The following VWA3B variants were observed in gnomAD, a reference collection of about 807,000 sequenced individuals.
The protein encoded by VWA3B is von Willebrand factor A domain-containing protein 3B.
VWA3B carries 138 observed loss-of-function variants against 158.3 expected under a neutral mutation model. That is an observed-to-expected ratio of 0.87 (90% confidence interval 0.76 to 1.00). The LOEUF is 1.00. Among genes scored for constraint, VWA3B ranks in the 50% least tolerant of loss-of-function variants. VWA3B has a pLI of 0.00. For synonymous variants in VWA3B, 596 were observed against 587.3 expected, an observed-to-expected ratio of 1.01 and a Z score of -0.21; for missense variants, 1,555 against 1,565.1, an observed-to-expected ratio of 0.99 and a Z score of 0.11.
intron 23 of VWA3B, among the ~76,000 whole-genome samples, chr2:98,294,590 G>A (rs1360869133): frequency 6.6e-6 from 1 of 152,232 alleles, no homozygotes; most frequent in Non-Finnish European, 1.5e-5. Flanking sequence ...AGGCAAGGAG[G>A]AAGACACATT....
chr2:98,196,892 C>T (rs987413285), intron 12 of VWA3B, among the ~76,000 whole-genome samples: 3 of 152,180 alleles, frequency 2.0e-5, no homozygotes, highest in African/African-American at 7.2e-5. Flanking sequence ...TAGTACGGAG[C>T]GTTCACATTT....
At chr2:98,262,212 T>TC in intron 21 of VWA3B, among the ~76,000 whole-genome samples, 1 of 151,856 alleles carries the variant, frequency 6.6e-6, no homozygotes, top group Non-Finnish European at 1.5e-5. Flanking sequence ...ATACACTTTC[T>TC]CCCATTTTTT....
rs918329042 is a variant in VWA3B at position 98,087,224 on chromosome 2, C to G, written c.-172C>G. On this transcript the variant is annotated 5_prime_UTR_variant, in exon 1 of 28. Coordinates refer to ENST00000477737, the MANE Select transcript of VWA3B (RefSeq NM_144992.5). ...GGAATCCTTCGCCCCCGGCGCGCAG[C>G]CTTCGCCCGCCGGAATCGCTGCCTT... The G allele has an allele frequency of 1.3e-4, 20 of 152,256 alleles. No homozygotes were observed. The highest frequency in any genetic ancestry group is 4.6e-4 in the Admixed American group (7 of 15,290). The allele number at this position is 152,256 out of a possible 1,614,324, so 9.4% of individuals were successfully genotyped here.
chr2:98,170,644 G>A (rs1679506079), intron 8 of VWA3B, among the ~76,000 whole-genome samples: 1 of 149,818 alleles, frequency 6.7e-6, no homozygotes, highest in Non-Finnish European at 1.5e-5. Flanking sequence ...ATATCGCTCT[G>A]TCACCAGGCT....
In VWA3B at chr2:98,268,223, C is replaced by G. The variant is rs558626226; in HGVS notation, c.2844-2459C>G. Among the ~76,000 whole-genome samples, 21 of 151,586 alleles carry G rather than the reference C, an allele frequency of 1.4e-4. No individual in the cohort carries two copies. In the South Asian group the frequency reaches 4.4e-3, roughly 32 times the overall value. On this transcript the variant is annotated intron_variant, in intron 21 of 27. Transcript: ENST00000477737. ...GCATCATTCTGATACCAAAGCCAGG[C>G]AGAGACACAACAAAAAAAGAGAATT...
chr2:98,158,449 G>T (rs945918712), intron 7 of VWA3B, among the ~76,000 whole-genome samples: 4 of 152,124 alleles, frequency 2.6e-5, no homozygotes, highest in African/African-American at 9.7e-5. Flanking sequence ...ATAAGCACTG[G>T]GTTCATGGAA....
chr2:98,317,766 C>G (rs1427489743), downstream of VWA3B, among the ~76,000 whole-genome samples: 3 of 152,138 alleles, frequency 2.0e-5, no homozygotes, highest in Admixed American at 1.3e-4. Context: ...CAAGCTGAAC[C>G]CTGACCACCT....
rs760419262 is a variant in VWA3B at position 98,216,984 on chromosome 2, C to CCCCCA, written c.1837-861_1837-860insCCCAC. On this transcript the variant is annotated intron_variant, in intron 13 of 27. Transcript: ENST00000477737. ...CTGTCATGTGTATCATTGTAAGCACCCGCCCCGCACCCAGTCTCAGGTGGT... is the reference window on the plus strand; with the variant it reads ...CTGTCATGTGTATCATTGTAAGCACCCCCCACGCCCCGCACCCAGTCTCAGGTGGT... 1.4e-5 allele frequency: 17 copies of CCCCCA among 1,239,862 alleles called. 1 individual carries two copies. The highest frequency in any genetic ancestry group is 3.2e-4 in the Middle Eastern group (1 of 3,160). The allele number at this position is 1,239,862 out of a possible 1,614,324, so 76.8% of individuals were successfully genotyped here. A position where few individuals can be genotyped will look rare whatever the true frequency, so the allele number is the denominator to read the frequency against.
At position 98,133,862 on chromosome 2, in the gene VWA3B, T is replaced by C; in HGVS notation, c.911T>C (p.Phe304Ser). 1 of 1,614,174 alleles carries C rather than the reference T, an allele frequency of 6.2e-7. No individual in the cohort carries two copies. The highest frequency in any genetic ancestry group is 8.5e-7 in the Non-Finnish European group (1 of 1,180,036). The part of the protein sequence containing the change: ...AFAERTECVE[F>S]PAFSTKDGDN... The stretch of plus-strand genomic sequence containing the variant: ...GCCGAGAGAACAGAGTGTGTAGAAT[T>C]TCCTGCATTCTCCACAAAGGATGGT... The change falls in exon 7 of 28, where the codon TTT becomes TCT. Residue 304 changes from phenylalanine to serine, a missense_variant. Phe to Ser is a radical substitution (Grantham distance 155). Coordinates refer to ENST00000477737, the MANE Select transcript of VWA3B (RefSeq NM_144992.5).
intron 16 of VWA3B, among the ~76,000 whole-genome samples, chr2:98,232,986 C>A (rs753761153): frequency 7.2e-5 from 11 of 152,138 alleles, no homozygotes; most frequent in African/African-American, 2.7e-4. Context: ...CGGAAAGGGC[C>A]GCTAACTGGA....
At chr2:98,271,461 T>C (rs929276269) in intron 22 of VWA3B, among the ~76,000 whole-genome samples, 4 of 152,222 alleles carry the variant, frequency 2.6e-5, no homozygotes, top group African/African-American at 9.6e-5. Flanking sequence ...TAGTTTTTTT[T>C]CTCCTCAAAT....
At chr2:98,301,573 G>T (rs1476926401) in intron 25 of VWA3B, among the ~76,000 whole-genome samples, 3 of 152,218 alleles carry the variant, frequency 2.0e-5, no homozygotes, top group Admixed American at 1.3e-4. Context: ...TGGCTGCAGA[G>T]GTTGGCAGCA....
chr2:98,233,478 G>A (rs990382585), intron 16 of VWA3B, among the ~76,000 whole-genome samples: 8 of 152,134 alleles, frequency 5.3e-5, no homozygotes, highest in Admixed American at 2.0e-4. Flanking sequence ...GTCAAGGTGG[G>A]CTGCCAGTGT....
chr2:98,157,190 A>T (rs1678158992), intron 7 of VWA3B, among the ~76,000 whole-genome samples: 1 of 152,184 alleles, frequency 6.6e-6, no homozygotes, highest in African/African-American at 2.4e-5. Context: ...CTTCATATTG[A>T]AATTGCTTCT....
In VWA3B at chr2:98,184,742, G is replaced by A. The variant is rs186383310; in HGVS notation, c.1312-3233G>A. Among the ~76,000 whole-genome samples the A allele has an allele frequency of 4.4e-3, 675 of 152,338 alleles. 4 individuals carry two copies. Among genetic ancestry groups the A allele is most frequent in the Non-Finnish European group, 7.0e-3 (477 of 68,028 alleles). On this transcript the variant is annotated intron_variant, in intron 9 of 27. Coordinates refer to ENST00000477737, the MANE Select transcript of VWA3B (RefSeq NM_144992.5). ...GAGAAGCCCTCCCTGCAGCCCTCTG[G>A]AGTGGGGGCTGGTTTCTCTCCCATT...
intron 12 of VWA3B, chr2:98,207,216 CTG>C (rs1683099297): frequency 3.7e-6 from 2 of 544,482 alleles, no homozygotes; most frequent in Admixed American, 2.0e-5. Flanking sequence ...TCTATCACCT[CTG>C]TACAGGCTAT....
intron 16 of VWA3B, among the ~76,000 whole-genome samples, chr2:98,232,417 C>G (rs1174316759): frequency 1.3e-5 from 2 of 151,936 alleles, no homozygotes; most frequent in Admixed American, 1.3e-4. Flanking sequence ...TCTATTTGTT[C>G]ATTTGTTTCC....
At chr2:98,167,187 C>A (rs1033365474) in intron 8 of VWA3B, among the ~76,000 whole-genome samples, 5 of 152,138 alleles carry the variant, frequency 3.3e-5, no homozygotes, top group Non-Finnish European at 7.4e-5. Context: ...CCATTCCGCA[C>A]ACTGGTTCGA....
At chr2:98,296,203 T>C (rs538025620) in intron 23 of VWA3B, among the ~76,000 whole-genome samples, 2 of 152,264 alleles carry the variant, frequency 1.3e-5, no homozygotes, top group East Asian at 3.9e-4. Flanking sequence ...GCTAAGGATT[T>C]GAAGAGAGTC....
Sources: allele counts gnomAD v4.1 joint callset (sites outside exome capture counted in the v4.1 genomes callset), GRCh38; gene constraint gnomAD v4.1.1; transcripts MANE v1.5; gene names NCBI Gene and HGNC (gene_info 2026-07-23, HGNC 2026-07-21).